FHL2: variants seen among roughly 807,000 people sequenced by gnomAD.
FHL2 encodes the protein four and a half LIM domains 2.
A neutral mutation model predicts 32.7 loss-of-function variants in FHL2; 20 were observed. That is an observed-to-expected ratio of 0.61 (90% confidence interval 0.43 to 0.89). The LOEUF (loss-of-function observed/expected upper bound fraction) is 0.89. Ranked by LOEUF, FHL2 falls within the 40% of genes least tolerant of loss-of-function variation. FHL2 has a pLI of 0.00. For synonymous variants in FHL2, 123 were observed against 128.1 expected (o/e 0.96, Z 0.27); for missense variants, 311 against 358.6 (o/e 0.87, Z 1.07).
At chr2:105,411,344 A>G (rs1573392063) in intron 1 of FHL2, among the ~76,000 whole-genome samples, 1 of 152,106 alleles carries the variant, frequency 6.6e-6, no homozygotes. Context: ...AATACTATGA[A>G]CTGTCAATTC....
chr2:105,414,001 C>T (rs1281813381), intron 1 of FHL2, among the ~76,000 whole-genome samples: 5 of 152,308 alleles, frequency 3.3e-5, no homozygotes, highest in South Asian at 2.1e-4. Flanking sequence ...CTTCAGATGC[C>T]GCTTGCAAAT....
At chr2:105,415,979 T>C (rs566931701) in intron 1 of FHL2, among the ~76,000 whole-genome samples, 13 of 152,320 alleles carry the variant, frequency 8.5e-5, no homozygotes, top group African/African-American at 3.1e-4. Context: ...TGTGGAACCA[T>C]ATTCAATCAA....
chr2:105,390,897 A>C (rs1682679145), intron 2 of FHL2, among the ~76,000 whole-genome samples: 1 of 150,664 alleles, frequency 6.6e-6, no homozygotes, highest in African/African-American at 2.5e-5. Flanking sequence ...CCCGGGTTTC[A>C]GTGATTCTCC....
chr2:105,431,758 A>G (rs1242225070), intron 1 of FHL2, among the ~76,000 whole-genome samples: 11 of 152,250 alleles, frequency 7.2e-5, no homozygotes, highest in Non-Finnish European at 1.5e-5. Context: ...AATTTTAAAC[A>G]GAGACCTGTG....
At chr2:105,378,352 C>T in intron 3 of FHL2, 1 of 372,244 alleles carries the variant, frequency 2.7e-6, no homozygotes, top group Non-Finnish European at 5.4e-6. Flanking sequence ...CAGCCTGTCC[C>T]CCCACACCCT....
In FHL2 at chr2:105,373,747, C is replaced by G; in HGVS notation, c.157-14G>C. On this transcript the variant is annotated splice_polypyrimidine_tract_variant and intron_variant, in intron 3 of 6. Coordinates refer to ENST00000530340, the MANE Select transcript of FHL2 (RefSeq NM_001318895.3). ...GTAAGACAAGTCCTGTGGGGCCAGA[C>G]CACACAAGACAGTCAGAGGCAGGAC... The G allele has an allele frequency of 6.2e-7, 1 of 1,613,292 alleles. No homozygotes were observed. The highest frequency in any genetic ancestry group is 8.5e-7 in the Non-Finnish European group (1 of 1,179,920).
intron 3 of FHL2, among the ~76,000 whole-genome samples, chr2:105,377,295 A>C (rs1293304793): frequency 6.6e-6 from 1 of 152,216 alleles, no homozygotes; most frequent in East Asian, 1.9e-4. Flanking sequence ...TAAGAAGGTA[A>C]GTGTGATGTT....
At chr2:105,361,900 G>A (rs1202775646) in intron 6 of FHL2, among the ~76,000 whole-genome samples, 3 of 152,138 alleles carry the variant, frequency 2.0e-5, no homozygotes, top group Non-Finnish European at 4.4e-5. Context: ...TGCGATGTGG[G>A]TGGGAATGAG....
chr2:105,418,022 T>C (rs1343176065), intron 1 of FHL2, among the ~76,000 whole-genome samples: 6 of 152,182 alleles, frequency 3.9e-5, no homozygotes, highest in Non-Finnish European at 8.8e-5. Flanking sequence ...TGAAAAGGAC[T>C]CAGGGGTATA....
At chr2:105,379,951 A>G (rs925537629) in intron 3 of FHL2, among the ~76,000 whole-genome samples, 7 of 152,316 alleles carry the variant, frequency 4.6e-5, no homozygotes, top group Admixed American at 1.3e-4. Flanking sequence ...GTAACTAATT[A>G]TGCCACGGGG....
At chr2:105,370,434 C>G (rs1023257523) in intron 4 of FHL2, among the ~76,000 whole-genome samples, 4 of 151,752 alleles carry the variant, frequency 2.6e-5, no homozygotes, top group African/African-American at 4.8e-5. Flanking sequence ...GAGACAGAAT[C>G]GCTACTTGAG....
upstream of FHL2, chr2:105,399,283 G>A (rs780058137): frequency 2.6e-6 from 4 of 1,535,704 alleles, no homozygotes; most frequent in East Asian, 4.9e-5. Context: ...AGTAGTTATC[G>A]GGAGCGTCGC....
chr2:105,402,776 G>A (rs1683514195), upstream of FHL2, among the ~76,000 whole-genome samples: 1 of 152,180 alleles, frequency 6.6e-6, no homozygotes, highest in Non-Finnish European at 1.5e-5. Context: ...GTTTTGAAAA[G>A]TTCCATCCAT....
chr2:105,391,687 A>T (rs1331158374), intron 2 of FHL2, among the ~76,000 whole-genome samples: 1 of 152,206 alleles, frequency 6.6e-6, no homozygotes. Flanking sequence ...TAAAAAATGT[A>T]TCAGGGTATC....
At chr2:105,406,746 G>GGA (rs369372006) in intron 1 of FHL2, among the ~76,000 whole-genome samples, 1,552 of 152,344 alleles carry the variant, frequency 0.01, 38 homozygotes, top group African/African-American at 0.036. Flanking sequence ...ATCCTGCGCA[G>GGA]GAGAGAGTCT....
chr2:105,382,416 C>T (rs899482956), intron 3 of FHL2, among the ~76,000 whole-genome samples: 5 of 152,230 alleles, frequency 3.3e-5, no homozygotes, highest in African/African-American at 9.6e-5. Flanking sequence ...GAGGACCCTC[C>T]GGGTCTGGGC....
At chr2:105,411,535 A>C (rs1156638830) in intron 1 of FHL2, among the ~76,000 whole-genome samples, 1 of 110,816 alleles carries the variant, frequency 9.0e-6, no homozygotes, top group Non-Finnish European at 1.8e-5. Context: ...TCCTGAACTT[A>C]GGGTTTTTTT....
intron 3 of FHL2, among the ~76,000 whole-genome samples, chr2:105,377,170 C>T (rs545191283): frequency 5.3e-5 from 8 of 152,194 alleles, no homozygotes; most frequent in Admixed American, 1.3e-4. Flanking sequence ...GAATACTAGG[C>T]GTAAATGGGC....
intron 2 of FHL2, among the ~76,000 whole-genome samples, chr2:105,392,949 A>T (rs1682835453): frequency 6.7e-6 from 1 of 149,296 alleles, no homozygotes; most frequent in Non-Finnish European, 1.5e-5. Context: ...CCTCCCAAGT[A>T]GCTGGTATTA....
Sources: gnomAD v4.1 joint callset for allele counts (sites outside exome capture counted in the v4.1 genomes callset) on GRCh38, gnomAD v4.1.1 for gene constraint, MANE v1.5 for transcripts, NCBI Gene and HGNC (gene_info 2026-07-23, HGNC 2026-07-21) for gene names.